The following CLHC1 variants were observed in gnomAD, a reference collection of about 807,000 sequenced individuals.
The protein encoded by CLHC1 is clathrin heavy chain linker domain-containing protein 1.
Under a neutral mutation model 69.5 loss-of-function variants are expected in CLHC1, and 72 were observed. That is an observed-to-expected ratio of 1.04 (90% CI 0.86 to 1.26). The LOEUF (loss-of-function observed/expected upper bound fraction) is 1.26, where lower values mean the gene tolerates loss of function less well. Among genes scored for constraint, CLHC1 ranks in the 50% most tolerant of loss-of-function variants. The pLI, the probability that CLHC1 is intolerant of heterozygous loss-of-function variation, is 0.00. For synonymous variants in CLHC1, 223 were observed against 224.3 expected (o/e 0.99, Z 0.05); for missense variants, 790 against 679.3 (o/e 1.16, Z -1.81).
chr2:55,231,405 G>A (rs1158022886), intron 1 of CLHC1, among the ~76,000 whole-genome samples: 5 of 152,178 alleles, frequency 3.3e-5, no homozygotes, highest in African/African-American at 9.6e-5. Context: ...GGAAGGCAGA[G>A]GCTGAATGTC....
At chr2:55,215,304 T>C (rs1351789459) in intron 4 of CLHC1, among the ~76,000 whole-genome samples, 1 of 152,166 alleles carries the variant, frequency 6.6e-6, no homozygotes, top group Non-Finnish European at 1.5e-5. Flanking sequence ...CTCTCAGCTG[T>C]TATTTCTTCA....
At chr2:55,230,745 G>A (rs1358946458) in intron 1 of CLHC1, among the ~76,000 whole-genome samples, 2 of 152,094 alleles carry the variant, frequency 1.3e-5, no homozygotes, top group Non-Finnish European at 2.9e-5. Context: ...GTCAAATACT[G>A]CTGACAGATC....
At position 55,222,918 on chromosome 2, in the gene CLHC1, C is replaced by CAAAA. The variant is rs59113625; in HGVS notation, c.-82-429_-82-426dup. Reference sequence around the variant, plus strand: ...CTGGGCAACAAGAGCGAAACTGTCTCAAAAAAAAAAAAAAAAAAAAAAAAG... The same window carrying CAAAA: ...CTGGGCAACAAGAGCGAAACTGTCTCAAAAAAAAAAAAAAAAAAAAAAAAAAAAG... On this transcript the variant is annotated intron_variant, in intron 2 of 12. Coordinates refer to ENST00000401408, the MANE Select transcript of CLHC1 (RefSeq NM_152385.4). 1.2e-3 allele frequency among the ~76,000 whole-genome samples: 83 copies of CAAAA among 68,488 alleles called. 1 individual carries two copies. The highest frequency in any genetic ancestry group is 2.2e-3 in the African/African-American group (40 of 17,798). The allele number at this position is 68,488 out of a possible 152,430, so 44.9% of individuals were successfully genotyped here. A position where few individuals can be genotyped will look rare whatever the true frequency, so the allele number is the denominator to read the frequency against.
rs115437426 is a variant in CLHC1, at chr2:55,209,879, G to T, written c.500-48C>A. ...AAACACGACAAGCCATGTGTGGGAC[G>T]CTTGTGCTCAAAGAGCAAGTCTTAG... On this transcript the variant is annotated intron_variant, in intron 5 of 12. Coordinates refer to ENST00000401408, the MANE Select transcript of CLHC1 (RefSeq NM_152385.4). The T allele has an allele frequency of 6.8e-3, 8,456 of 1,247,304 alleles. 37 individuals are homozygous for T. Among genetic ancestry groups the T allele is most frequent in the Non-Finnish European group, 8.0e-3 (6,930 of 866,122 alleles). The allele number at this position is 1,247,304 out of a possible 1,614,324, so 77.3% of individuals were successfully genotyped here.
intron 9 of CLHC1, among the ~76,000 whole-genome samples, chr2:55,193,433 T>A (rs1259436333): frequency 6.6e-6 from 1 of 151,968 alleles, no homozygotes. Context: ...TAAGGAACTC[T>A]TAAAACTCAA....
intron 3 of CLHC1, among the ~76,000 whole-genome samples, chr2:55,220,458 GA>G (rs1381296006): frequency 6.6e-6 from 1 of 152,132 alleles, no homozygotes; most frequent in Non-Finnish European, 1.5e-5. Context: ...TCTCAGTCCT[GA>G]AGAACAGAAT....
chr2:55,174,222 C>T lies in CLHC1; in HGVS notation c.*1568G>A, dbSNP rs150677161. ...CACATGTATTACTTTAAAAATGCTA[C>T]GTTTTAGAAAGCTGAATTATAATTA... On this transcript the variant is annotated 3_prime_UTR_variant, in exon 13 of 13. Coordinates refer to ENST00000401408, the MANE Select transcript of CLHC1 (RefSeq NM_152385.4). 2.1e-4 allele frequency among the ~76,000 whole-genome samples: 32 copies of T among 152,144 alleles called. No individual in the cohort carries two copies. Among genetic ancestry groups the T allele is most frequent in the African/African-American group, 6.5e-4 (27 of 41,488 alleles).
At chr2:55,194,264 C>A (rs1028958505) in intron 9 of CLHC1, among the ~76,000 whole-genome samples, 4 of 151,894 alleles carry the variant, frequency 2.6e-5, no homozygotes, top group Non-Finnish European at 5.9e-5. Flanking sequence ...CCCACAAAGG[C>A]AACATATTCA....
chr2:55,223,588 C>T (rs1182286753), intron 2 of CLHC1, among the ~76,000 whole-genome samples: 10 of 151,248 alleles, frequency 6.6e-5, no homozygotes, highest in Admixed American at 3.3e-4. Flanking sequence ...AGCGGCGTGT[C>T]GGCCTCGGGG....
chr2:55,215,804 T>C (rs1037463500), intron 4 of CLHC1, among the ~76,000 whole-genome samples: 1 of 152,140 alleles, frequency 6.6e-6, no homozygotes, highest in African/African-American at 2.4e-5. Context: ...TCCACTTATC[T>C]TTTGTCTTCT....
rs1477404135 is a variant in CLHC1 at position 55,177,608 on chromosome 2, C to A, written c.1558G>T (p.Gly520Trp). 3.1e-6 allele frequency: 5 copies of A among 1,598,696 alleles called. No individual in the cohort carries two copies. Among genetic ancestry groups the A allele is most frequent in the African/African-American group, 1.3e-5 (1 of 74,500 alleles). ...AACATTTTATTCTACTTACCTATCCCACCTTTATTGATTTCTTGAAGTAGC... is the reference window on the plus strand; with the variant it reads ...AACATTTTATTCTACTTACCTATCCAACCTTTATTGATTTCTTGAAGTAGC... Reference protein sequence around the residue: ...IKLLQEINKGGIDAVESLMIN... With the variant: ...IKLLQEINKGWIDAVESLMIN... Residue 520 changes from glycine to tryptophan, a missense_variant, in exon 12 of 13, where the codon GGG becomes TGG. Gly to Trp is a radical substitution (Grantham distance 184). Transcript: ENST00000401408.
intron 9 of CLHC1, among the ~76,000 whole-genome samples, chr2:55,185,576 T>G (rs1335444028): frequency 6.6e-6 from 1 of 152,246 alleles, no homozygotes; most frequent in Non-Finnish European, 1.5e-5. Context: ...GGTTTCATTT[T>G]CTGCTGTATC....
At chr2:55,203,804 A>T (rs1268425819) in intron 9 of CLHC1, among the ~76,000 whole-genome samples, 1 of 152,186 alleles carries the variant, frequency 6.6e-6, no homozygotes, top group Non-Finnish European at 1.5e-5. Flanking sequence ...AAAAAAATGG[A>T]CAAATGGGAT....
intron 9 of CLHC1, among the ~76,000 whole-genome samples, chr2:55,199,471 A>C (rs1401098819): frequency 6.6e-6 from 1 of 152,152 alleles, no homozygotes; most frequent in Non-Finnish European, 1.5e-5. Flanking sequence ...CTCATATCTT[A>C]AGTAGAAAGG....
At position 55,174,068 on chromosome 2, in the gene CLHC1, G is replaced by A. The variant is rs116054944; in HGVS notation, c.*1722C>T. 3.6e-3 allele frequency among the ~76,000 whole-genome samples: 545 copies of A among 149,878 alleles called. 1 individual carries two copies. Among genetic ancestry groups the A allele is most frequent in the Middle Eastern group, 7.1e-3 (2 of 282 alleles). ...TGGCACACAAAGAACCAGTGCTGCCGAAATACCTCTCCCTTTCCATTCCTT... is the reference window on the plus strand; with the variant it reads ...TGGCACACAAAGAACCAGTGCTGCCAAAATACCTCTCCCTTTCCATTCCTT... On this transcript the variant is annotated 3_prime_UTR_variant, in exon 13 of 13. Coordinates refer to ENST00000401408, the MANE Select transcript of CLHC1 (RefSeq NM_152385.4).
chr2:55,226,339 G>T (rs13002072), intron 2 of CLHC1, among the ~76,000 whole-genome samples: 10 of 152,108 alleles, frequency 6.6e-5, no homozygotes, highest in African/African-American at 9.6e-5. Context: ...AGGCAACATC[G>T]TAACTTTTTC....
chr2:55,214,673 T>G (rs375706828), intron 4 of CLHC1: 1 of 152,226 alleles, frequency 6.6e-6, no homozygotes, highest in Non-Finnish European at 1.5e-5. Context: ...TTATTCTAAA[T>G]AGATTTGTGC....
chr2:55,201,839 T>G (rs1048855788), intron 9 of CLHC1, among the ~76,000 whole-genome samples: 2 of 152,160 alleles, frequency 1.3e-5, no homozygotes, highest in African/African-American at 4.8e-5. Flanking sequence ...ATCCTAGGGA[T>G]GTAAGGATGG....
chr2:55,180,414 A>G, intron 11 of CLHC1, 96 bp downstream of exon 11: 1 of 833,200 alleles, frequency 1.2e-6, no homozygotes, highest in Non-Finnish European at 1.9e-6. Context: ...AATTGATTTT[A>G]TAACGTAAGT....
Sources: gnomAD v4.1 joint callset for allele counts (sites outside exome capture counted in the v4.1 genomes callset) on GRCh38, gnomAD v4.1.1 for gene constraint, MANE v1.5 for transcripts, NCBI Gene and HGNC (gene_info 2026-07-23, HGNC 2026-07-21) for gene names.